DDX60: variants seen among roughly 807,000 people sequenced by gnomAD.
The protein encoded by DDX60 is probable ATP-dependent RNA helicase DDX60.
In DDX60, 165 loss-of-function variants were observed where a neutral mutation model predicts 212.8. That is an observed-to-expected ratio of 0.78 (90% CI 0.68 to 0.88). The LOEUF is 0.88. Ranked by LOEUF, DDX60 falls within the 40% of genes least tolerant of loss-of-function variation. DDX60 has a pLI of 0.00. For missense variants in DDX60, 1,905 were observed against 2,003.9 expected, an observed-to-expected ratio of 0.95 and a Z score of 0.94; for synonymous variants, 703 against 685.3, an observed-to-expected ratio of 1.03 and a Z score of -0.40.
intron 14 of DDX60, among the ~76,000 whole-genome samples, chr4:168,276,944 G>A (rs574143112): frequency 6.6e-6 from 1 of 152,286 alleles, no homozygotes; most frequent in African/African-American, 2.4e-5. Flanking sequence ...AGAAACAATA[G>A]GAGGTTGCTG....
At chr4:168,280,238 C>A (rs1735529131) in intron 14 of DDX60, 97 bp downstream of exon 14, 1 of 1,442,336 alleles carries the variant, frequency 6.9e-7, no homozygotes, top group African/African-American at 1.4e-5. Flanking sequence ...GCATGTAAGT[C>A]TTCTAATGCA....
rs58664687 is a variant in DDX60 at position 168,292,049 on chromosome 4, C to CTTTCCTTTTTT, written c.883-144_883-143insAAAAAAGGAAA. The CTTTCCTTTTTT allele has an allele frequency of 4.2e-4, 127 of 303,508 alleles. 1 individual carries two copies. The highest frequency in any genetic ancestry group is 5.4e-4 in the South Asian group (7 of 13,070). The allele number at this position is 303,508 out of a possible 1,614,324, so 18.8% of individuals were successfully genotyped here. On this transcript the variant is annotated intron_variant, in intron 7 of 37. Coordinates refer to ENST00000393743, the MANE Select transcript of DDX60 (RefSeq NM_017631.6). ...CCTTTCTTTCTTTCTTTCTTTCTTT[C>CTTTCCTTTTTT]TTTTTTTTTTTTTTTTTGAGACAGA... is the stretch of plus-strand genomic sequence containing the variant.
chr4:168,260,998 G>A lies in DDX60; in HGVS notation c.3274-9C>T, dbSNP rs1187938744. ...TGAAGTACCATTCTGGCCTGTAGTGGTGAATACAAAACAATTTTAAGTTCT... is the reference window on the plus strand; with the variant it reads ...TGAAGTACCATTCTGGCCTGTAGTGATGAATACAAAACAATTTTAAGTTCT... On this transcript the variant is annotated splice_polypyrimidine_tract_variant and intron_variant, in intron 24 of 37. Transcript: ENST00000393743. The A allele has an allele frequency of 6.3e-7, 1 of 1,592,244 alleles. No homozygotes were observed. The highest frequency in any genetic ancestry group is 8.5e-7 in the Non-Finnish European group (1 of 1,174,310).
rs376025381 is a variant in DDX60 at position 168,267,717 on chromosome 4, A to C, written c.2930-26T>G. ...CTAAAAATGAAGAACAAGAATTTCC[A>C]CATCAATGGAAATGTAATCACTGAA... On this transcript the variant is annotated intron_variant, in intron 21 of 37. Transcript: ENST00000393743. 155 of 1,555,722 alleles carry C rather than the reference A, an allele frequency of 1.0e-4. No homozygotes were observed. In the African/African-American group the frequency reaches 1.5e-3, roughly 15 times the overall value.
intron 1 of DDX60, among the ~76,000 whole-genome samples, chr4:168,311,919 A>C (rs1737150431): frequency 6.6e-6 from 1 of 152,186 alleles, no homozygotes; most frequent in Admixed American, 6.5e-5. Context: ...CACTTTGAAA[A>C]GATTAGTCCA....
At position 168,291,886 on chromosome 4, in the gene DDX60, G is replaced by C; in HGVS notation, c.903C>G (p.Thr301=). The stretch of plus-strand genomic sequence containing the variant: ...TACACAAATCTTCCATCTCCTGCAG[G>C]GTTAAGCAATTACTGTTCACCTGAA... ...EIQQVNSNCL[T]LQEMEDLCKL... Residue 301 remains threonine (T), a synonymous_variant, in exon 8 of 38, where the codon ACC becomes ACG. Transcript: ENST00000393743. The C allele has an allele frequency of 2.5e-6, 4 of 1,610,766 alleles. No homozygotes were observed. Among genetic ancestry groups the C allele is most frequent in the Non-Finnish European group, 3.4e-6 (4 of 1,178,862 alleles).
In DDX60 at chr4:168,276,201, T is replaced by C; in HGVS notation, c.1979-20A>G. 1.9e-6 allele frequency: 3 copies of C among 1,566,346 alleles called. No individual in the cohort carries two copies. Among genetic ancestry groups the C allele is most frequent in the Non-Finnish European group, 2.6e-6 (3 of 1,147,534 alleles). ...TTTTACCTTGATAAACAATAAACAA[T>C]AAAATTGTTATAAAGACCATCAAAA... On this transcript the variant is annotated intron_variant, in intron 14 of 37. Coordinates refer to ENST00000393743, the MANE Select transcript of DDX60 (RefSeq NM_017631.6).
At chr4:168,249,108 G>A (rs1397975197) in intron 28 of DDX60, among the ~76,000 whole-genome samples, 1 of 152,098 alleles carries the variant, frequency 6.6e-6, no homozygotes, top group Non-Finnish European at 1.5e-5. Flanking sequence ...TTTTATGATA[G>A]GGCAATAATA....
intron 37 of DDX60, among the ~76,000 whole-genome samples, chr4:168,218,650 T>C (rs993378632): frequency 2.0e-5 from 3 of 152,140 alleles, no homozygotes; most frequent in Non-Finnish European, 4.4e-5. Context: ...TTTCCTGATA[T>C]AGATCCAAAT....
chr4:168,275,839 T>C (rs1256970254), intron 15 of DDX60, among the ~76,000 whole-genome samples, 176 bp downstream of exon 15: 1 of 152,094 alleles, frequency 6.6e-6, no homozygotes, highest in Non-Finnish European at 1.5e-5. Flanking sequence ...AGGTAAGCAT[T>C]TGTACAAATT....
In DDX60 at chr4:168,273,892, G is replaced by A. The variant is rs199824568; in HGVS notation, c.2454+42C>T. 9 of 1,579,974 alleles carry A rather than the reference G, an allele frequency of 5.7e-6. No individual in the cohort carries two copies. The South Asian group carries it at 1.0e-4, about 18-fold the overall frequency. ...CATGTTCATTATTTTTAAATAGTAG[G>A]TTCAGGAATGAAAGAGAATATTATA... On this transcript the variant is annotated intron_variant, in intron 17 of 37. Coordinates refer to ENST00000393743, the MANE Select transcript of DDX60 (RefSeq NM_017631.6).
intron 26 of DDX60, among the ~76,000 whole-genome samples, chr4:168,253,754 T>C (rs914665084): frequency 6.6e-6 from 1 of 152,288 alleles, no homozygotes; most frequent in African/African-American, 2.4e-5. Flanking sequence ...TCCACAGATA[T>C]CCTCATCTCA....
upstream of DDX60, among the ~76,000 whole-genome samples, chr4:168,320,650 T>C (rs1377803678): frequency 2.0e-5 from 3 of 152,164 alleles, no homozygotes; most frequent in East Asian, 5.8e-4. Context: ...AACTGTATTG[T>C]AGGAAATGAA....
intron 8 of DDX60, among the ~76,000 whole-genome samples, chr4:168,290,332 T>C (rs980625535): frequency 2.4e-4 from 35 of 147,246 alleles, no homozygotes; most frequent in Admixed American, 1.1e-3. Context: ...TCTTTTCTTT[T>C]TTTTTTTTTT....
intron 33 of DDX60, 34 bp downstream of exon 33, chr4:168,236,218 C>A: frequency 6.3e-7 from 1 of 1,595,700 alleles, no homozygotes; most frequent in Non-Finnish European, 8.5e-7. Flanking sequence ...AGTGGTTTTA[C>A]ATTACTAAAT....
At chr4:168,320,397 A>G (rs960727924), upstream of DDX60, among the ~76,000 whole-genome samples, 1 of 152,158 alleles carries the variant, frequency 6.6e-6, no homozygotes, top group Non-Finnish European at 1.5e-5. Flanking sequence ...GGCGTTGAAG[A>G]CAGTGGAAGG....
In DDX60 at chr4:168,237,753, G is replaced by C. The variant is rs902558833; in HGVS notation, c.4207C>G (p.Pro1403Ala). ...AGTTTTAACATGTCCATGACTCTGG[G>C]TTGCTTGAAGGACAGCAATGAATGC... ...LKHSLLSFKQ[P>A]RVMDMLKLYF... The change falls in exon 31 of 38, where the codon CCC (proline) becomes GCC (alanine). Residue 1403 changes from proline (P) to alanine (A), a missense_variant. Transcript: ENST00000393743. 1.2e-6 allele frequency: 2 copies of C among 1,611,894 alleles called. No homozygotes were observed. The highest frequency in any genetic ancestry group is 1.7e-6 in the Non-Finnish European group (2 of 1,178,868).
chr4:168,267,743 A>G (rs758626389), intron 21 of DDX60, 52 bp from the exon 22 acceptor site: 1 of 1,542,856 alleles, frequency 6.5e-7, no homozygotes, highest in Non-Finnish European at 8.8e-7. Flanking sequence ...AATCACTGAA[A>G]CAAATTTAAA....
rs746162502 is a variant in DDX60 at position 168,221,899 on chromosome 4, T to C, written c.4825-18A>G. On this transcript the variant is annotated intron_variant, in intron 35 of 37. Coordinates refer to ENST00000393743, the MANE Select transcript of DDX60 (RefSeq NM_017631.6). ...AGAGTAACCTGAAAAAATACGATTATTCTTAATGTATTATTTATGTATAAA... is the reference window on the plus strand; with the variant it reads ...AGAGTAACCTGAAAAAATACGATTACTCTTAATGTATTATTTATGTATAAA... 4 of 1,600,906 alleles carry C rather than the reference T, an allele frequency of 2.5e-6. No homozygotes were observed. Among genetic ancestry groups the C allele is most frequent in the African/African-American group, 2.7e-5 (2 of 74,606 alleles).
Sources: gnomAD v4.1 joint callset for allele counts (sites outside exome capture counted in the v4.1 genomes callset) on GRCh38, gnomAD v4.1.1 for gene constraint, MANE v1.5 for transcripts, NCBI Gene and HGNC (gene_info 2026-07-23, HGNC 2026-07-21) for gene names.